PHACTR3: variants seen among roughly 807,000 people sequenced by gnomAD.
PHACTR3 encodes the protein protein phosphatase 1, regulatory subunit 123.
Under a neutral mutation model 66.8 loss-of-function variants are expected in PHACTR3, and 16 were observed. The ratio of observed to expected loss-of-function variants is 0.24; its 90% CI spans 0.16 to 0.36. The LOEUF (loss-of-function observed/expected upper bound fraction) is 0.36. Among genes scored for constraint, PHACTR3 ranks in the 10% least tolerant of loss-of-function variants. The probability of loss-of-function intolerance (pLI) is 1.00; values close to 1 mark genes in which losing one functional copy is unlikely to be tolerated. For missense variants in PHACTR3, 647 were observed against 719.9 expected (o/e 0.90, Z 1.16); for synonymous variants, 323 against 292.1 (o/e 1.11, Z -1.08).
At position 59,836,625 on chromosome 20, in the gene PHACTR3, T is replaced by A. The variant is rs181949233; in HGVS notation, c.1384+65T>A. On this transcript the variant is annotated intron_variant, in intron 9 of 12. Transcript: ENST00000371015. ...TGTGGTGAGGCTGTTGCACAAATCC[T>A]GAGTTCCCATAACCCAGCCCTTCTC... 6.6e-4 allele frequency: 995 copies of A among 1,513,946 alleles called. 5 individuals are homozygous for A. In the African/African-American group the frequency reaches 0.013, roughly 19 times the overall value. 93.8% of individuals were successfully genotyped at this position (1,513,946 alleles called of 1,614,324 possible). A position where few individuals can be genotyped will look rare whatever the true frequency, so the allele number is the denominator to read the frequency against.
At chr20:59,699,427 A>G (rs936851254) in intron 1 of PHACTR3, among the ~76,000 whole-genome samples, 2 of 152,174 alleles carry the variant, frequency 1.3e-5, no homozygotes, top group Non-Finnish European at 2.9e-5. Flanking sequence ...CTATTAAAAG[A>G]AGGCTTCTAG....
At chr20:59,635,387 C>A (rs914162577) in intron 1 of PHACTR3, among the ~76,000 whole-genome samples, 2 of 151,122 alleles carry the variant, frequency 1.3e-5, no homozygotes, top group Admixed American at 6.6e-5. Flanking sequence ...GCGTGCACCA[C>A]CACACTCGGC....
At chr20:59,644,073 C>T (rs2035196393) in intron 1 of PHACTR3, among the ~76,000 whole-genome samples, 1 of 152,164 alleles carries the variant, frequency 6.6e-6, no homozygotes, top group African/African-American at 2.4e-5. Flanking sequence ...TGCCAATACA[C>T]ACTGAGAAAC....
chr20:59,729,934 T>G (rs1211236642), intron 1 of PHACTR3, among the ~76,000 whole-genome samples: 2 of 152,148 alleles, frequency 1.3e-5, no homozygotes, highest in Admixed American at 1.3e-4. Flanking sequence ...ACTTGGTAAA[T>G]CTTCAGAAGC....
At chr20:59,739,626 G>A (rs1160303993) in intron 1 of PHACTR3, among the ~76,000 whole-genome samples, 6 of 152,116 alleles carry the variant, frequency 3.9e-5, no homozygotes, top group Non-Finnish European at 7.4e-5. Context: ...CAGCATGGGG[G>A]AAACCACCTC....
intron 10 of PHACTR3, 50 bp from the exon 11 acceptor site, chr20:59,841,342 CAAA>C: frequency 6.4e-7 from 1 of 1,555,292 alleles, no homozygotes; most frequent in South Asian, 1.2e-5. Flanking sequence ...CAGAGTACTT[CAAA>C]AAAGCTAGTT....
At chr20:59,807,049 G>T (rs922551114) in intron 8 of PHACTR3, among the ~76,000 whole-genome samples, 1 of 152,244 alleles carries the variant, frequency 6.6e-6, no homozygotes, top group Non-Finnish European at 1.5e-5. Context: ...GAGTGAACGG[G>T]AAGGCTAGCA....
chr20:59,744,287 G>A (rs529897589), intron 2 of PHACTR3, among the ~76,000 whole-genome samples: 1 of 152,342 alleles, frequency 6.6e-6, no homozygotes, highest in South Asian at 2.1e-4. Flanking sequence ...CTGGCAGCCG[G>A]GTGTGGTGGC....
chr20:59,669,444 T>C lies in PHACTR3; in HGVS notation c.118+64312T>C, dbSNP rs183755622. On this transcript the variant is annotated intron_variant, in intron 1 of 12. Transcript: ENST00000371015. ...TGGCCAAGCTGCCTTGAAAGTTTTC[T>C]TTCAATTCTTTTGGTAACAGCTGTA... Among the ~76,000 whole-genome samples, 286 of 152,362 alleles carry C rather than the reference T, an allele frequency of 1.9e-3. 1 individual carries two copies. The highest frequency in any genetic ancestry group is 6.4e-3 in the African/African-American group (266 of 41,586).
At chr20:59,767,735 G>A (rs1318878763) in intron 5 of PHACTR3, among the ~76,000 whole-genome samples, 1 of 152,212 alleles carries the variant, frequency 6.6e-6, no homozygotes, top group Non-Finnish European at 1.5e-5. Context: ...AAGAGGTGCA[G>A]CCAGTTCCCA....
At chr20:59,729,538 C>G (rs905415202) in intron 1 of PHACTR3, among the ~76,000 whole-genome samples, 2 of 152,118 alleles carry the variant, frequency 1.3e-5, no homozygotes, top group Middle Eastern at 3.2e-3. Context: ...AGTGATGCAT[C>G]TGCTAGCCGG....
Position 59,687,816 on chromosome 20 carries a change from G to A in PHACTR3, c.119-55291G>A, listed in dbSNP as rs111422906. On this transcript the variant is annotated intron_variant, in intron 1 of 12. Transcript: ENST00000371015. The stretch of plus-strand genomic sequence containing the variant: ...GTAGCAGGACACTGTGCTAGGACAC[G>A]CTTTGAGTAGTGCTGTTTCAGATGA... Among the ~76,000 whole-genome samples the A allele has an allele frequency of 7.7e-3, 1,176 of 152,036 alleles. 14 individuals carry two copies. Among genetic ancestry groups the A allele is most frequent in the African/African-American group, 0.026 (1,093 of 41,470 alleles).
At chr20:59,838,863 T>C (rs749140571) in intron 9 of PHACTR3, among the ~76,000 whole-genome samples, 2 of 152,052 alleles carry the variant, frequency 1.3e-5, no homozygotes, top group African/African-American at 2.4e-5. Flanking sequence ...AACATATCAC[T>C]AAGGGGAGCT....
chr20:59,730,158 G>A (rs1186146817), intron 1 of PHACTR3, among the ~76,000 whole-genome samples: 4 of 152,184 alleles, frequency 2.6e-5, no homozygotes, highest in South Asian at 2.1e-4. Flanking sequence ...CGGTCAAGTA[G>A]CCAGGATGGA....
intron 1 of PHACTR3, among the ~76,000 whole-genome samples, chr20:59,702,239 C>T (rs955214204): frequency 2.0e-5 from 3 of 152,140 alleles, no homozygotes; most frequent in Non-Finnish European, 4.4e-5. Context: ...CTGACCTGGA[C>T]CCAAATGGCC....
chr20:59,583,159 T>C (rs1313299751), intron 1 of PHACTR3, among the ~76,000 whole-genome samples: 1 of 152,206 alleles, frequency 6.6e-6, no homozygotes, highest in Non-Finnish European at 1.5e-5. Flanking sequence ...ATTTTTCTTA[T>C]CTACTATAAC....
At chr20:59,747,225 C>T (rs909118838) in intron 2 of PHACTR3, among the ~76,000 whole-genome samples, 10 of 152,212 alleles carry the variant, frequency 6.6e-5, no homozygotes, top group Non-Finnish European at 1.0e-4. Context: ...TCCTCCCTTC[C>T]TGTCCATCTG....
At chr20:59,674,741 C>A (rs1380458694) in intron 1 of PHACTR3, among the ~76,000 whole-genome samples, 2 of 88,654 alleles carry the variant, frequency 2.3e-5, no homozygotes, top group African/African-American at 9.2e-5. Context: ...TCCTGTTCCC[C>A]CCTTCTCTGG....
intron 1 of PHACTR3, among the ~76,000 whole-genome samples, chr20:59,625,493 A>G (rs1403916396): frequency 1.3e-5 from 2 of 152,174 alleles, no homozygotes; most frequent in African/African-American, 4.8e-5. Context: ...AAATCTATTC[A>G]TGGCCCTCTC....
Sources: gnomAD v4.1 joint callset for allele counts (sites outside exome capture counted in the v4.1 genomes callset) on GRCh38, gnomAD v4.1.1 for gene constraint, MANE v1.5 for transcripts, NCBI Gene and HGNC (gene_info 2026-07-23, HGNC 2026-07-21) for gene names.